The following TENM3 variants were observed in gnomAD, a reference collection of about 807,000 sequenced individuals.
TENM3 encodes teneurin-3.
In TENM3, 63 loss-of-function variants were observed where a neutral mutation model predicts 255.1. That is an observed-to-expected ratio of 0.25 (90% CI 0.20 to 0.30). The LOEUF is 0.30. Among genes scored for constraint, TENM3 ranks in the 10% least tolerant of loss-of-function variants. The probability of loss-of-function intolerance (pLI) is 1.00; values close to 1 mark genes in which losing one functional copy is unlikely to be tolerated. For synonymous variants in TENM3, 1,306 were observed against 1,322.3 expected (o/e 0.99, Z 0.27); for missense variants, 2,929 against 3,461.1 (o/e 0.85, Z 3.86).
intron 3 of TENM3, among the ~76,000 whole-genome samples, chr4:182,479,708 C>T (rs973420489): frequency 3.8e-4 from 58 of 152,068 alleles, no homozygotes; most frequent in African/African-American, 1.3e-3. Context: ...ATAGGATCTA[C>T]TGATAAATTG....
At chr4:181,708,706 A>C in the TENM3 span, among the ~76,000 whole-genome samples, 1 of 152,138 alleles carries the variant, frequency 6.6e-6, no homozygotes, top group African/African-American at 2.4e-5. Context: ...GTACTGATAC[A>C]TGAAACCTGT....
At position 182,736,859 on chromosome 4, in the gene TENM3, T is replaced by C. The variant is rs1761211892; in HGVS notation, c.3019T>C (p.Leu1007=). Reference sequence around the variant, plus strand: ...AGGAACAGATTTGAAACTCTCCTACTTGAGTTCCAGAGCTGCAGGGTATAA... The same window carrying C: ...AGGAACAGATTTGAAACTCTCCTACCTGAGTTCCAGAGCTGCAGGGTATAA... ...IPGTDLKLSY[L]SSRAAGYKSV... is the part of the protein sequence containing the mutation. The change falls in exon 17 of 28, where the codon TTG becomes CTG. Residue 1007 remains leucine, a synonymous_variant. Transcript: ENST00000511685. The C allele has an allele frequency of 2.4e-5, 39 of 1,613,696 alleles. No homozygotes were observed. The highest frequency in any genetic ancestry group is 3.2e-5 in the Non-Finnish European group (38 of 1,179,706).
chr4:182,464,067 A>G (rs1293120974), intron 3 of TENM3, among the ~76,000 whole-genome samples: 2 of 152,230 alleles, frequency 1.3e-5, no homozygotes, highest in African/African-American at 4.8e-5. Context: ...CTACACTTTT[A>G]TAAACATATA....
At chr4:181,833,528 A>G in the TENM3 span, among the ~76,000 whole-genome samples, 3 of 152,156 alleles carry the variant, frequency 2.0e-5, no homozygotes, top group East Asian at 5.8e-4. Flanking sequence ...GATAAAATCC[A>G]AACTCATTTC....
chr4:182,098,420 C>T, the TENM3 span, among the ~76,000 whole-genome samples: 3 of 152,042 alleles, frequency 2.0e-5, no homozygotes, highest in African/African-American at 4.8e-5. Context: ...ATAGTCAAGA[C>T]GTGGAATCAA....
intron 3 of TENM3, among the ~76,000 whole-genome samples, chr4:182,461,797 G>A (rs1732020739): frequency 6.6e-6 from 1 of 152,142 alleles, no homozygotes; most frequent in Admixed American, 6.5e-5. Context: ...TGCTCAGCGG[G>A]TACTTGTTGA....
At chr4:182,338,275 A>G (rs968612301) in intron 2 of TENM3, among the ~76,000 whole-genome samples, 61 of 152,218 alleles carry the variant, frequency 4.0e-4, no homozygotes, top group Admixed American at 1.4e-3. Context: ...AATCTTTCAA[A>G]AACAACCTCC....
intron 3 of TENM3, among the ~76,000 whole-genome samples, chr4:182,462,929 A>T (rs946925196): frequency 6.6e-6 from 1 of 151,972 alleles, no homozygotes; most frequent in African/African-American, 2.4e-5. Flanking sequence ...TGTAATACTG[A>T]TCACTCTGTA....
the TENM3 span, among the ~76,000 whole-genome samples, chr4:181,837,100 C>T: frequency 1.3e-5 from 2 of 152,064 alleles, no homozygotes; most frequent in African/African-American, 4.8e-5. Context: ...AATGTACTTA[C>T]ATTTCTTATT....
the TENM3 span, among the ~76,000 whole-genome samples, chr4:182,005,774 AG>A: frequency 2.0e-5 from 3 of 152,238 alleles, no homozygotes; most frequent in African/African-American, 7.2e-5. Flanking sequence ...CTCCTTGAAG[AG>A]GTCCCTCACA....
chr4:182,034,491 T>G, the TENM3 span, among the ~76,000 whole-genome samples: 1 of 152,228 alleles, frequency 6.6e-6, no homozygotes, highest in African/African-American at 2.4e-5. Flanking sequence ...CACTGGTCTG[T>G]GTACTTCAGT....
chr4:182,431,780 G>A (rs58334802), intron 3 of TENM3, among the ~76,000 whole-genome samples: 8,375 of 152,076 alleles, frequency 0.055, 308 homozygotes, highest in East Asian at 0.17. Context: ...AATACAATCA[G>A]AAATGAAGAG....
chr4:181,881,240 A>C, the TENM3 span, among the ~76,000 whole-genome samples: 2 of 152,250 alleles, frequency 1.3e-5, no homozygotes, highest in South Asian at 4.1e-4. Context: ...AGATTTAAAA[A>C]TCATTTAGAG....
chr4:181,874,894 T>G, the TENM3 span, among the ~76,000 whole-genome samples: 1 of 152,248 alleles, frequency 6.6e-6, no homozygotes, highest in African/African-American at 2.4e-5. Context: ...TAGAGTTCCC[T>G]CTATGTGCTT....
Position 182,714,649 on chromosome 4 carries a change from A to G in TENM3, c.2368+416A>G, listed in dbSNP as rs183699029. 7.4e-4 allele frequency among the ~76,000 whole-genome samples: 112 copies of G among 152,306 alleles called. 1 individual carries two copies. In the East Asian group the frequency reaches 0.021, roughly 28 times the overall value. Reference sequence around the variant, plus strand: ...TGAAAGGCATGGATGGAAAAAAACAAAACAGTAACAGAGAACAGTCCCCTG... The same window carrying G: ...TGAAAGGCATGGATGGAAAAAAACAGAACAGTAACAGAGAACAGTCCCCTG... On this transcript the variant is annotated intron_variant, in intron 13 of 27. Coordinates refer to ENST00000511685, the MANE Select transcript of TENM3 (RefSeq NM_001080477.4).
At chr4:181,464,819 C>G in the TENM3 span, among the ~76,000 whole-genome samples, 1 of 152,062 alleles carries the variant, frequency 6.6e-6, no homozygotes, top group Admixed American at 6.6e-5. Flanking sequence ...GGCATGGTGG[C>G]TCATGCCTGT....
At chr4:182,681,315 T>C (rs1443061631) in intron 10 of TENM3, among the ~76,000 whole-genome samples, 1 of 152,238 alleles carries the variant, frequency 6.6e-6, no homozygotes, top group African/African-American at 2.4e-5. Flanking sequence ...GAATTAAATT[T>C]TCAGGCCATT....
chr4:182,735,363 C>A (rs928992897), intron 16 of TENM3, among the ~76,000 whole-genome samples: 6 of 152,154 alleles, frequency 3.9e-5, no homozygotes, highest in African/African-American at 1.2e-4. Flanking sequence ...TTCGTCCATT[C>A]ATTCATGCTG....
the TENM3 span, among the ~76,000 whole-genome samples, chr4:181,527,939 C>T: frequency 6.6e-6 from 1 of 151,854 alleles, no homozygotes; most frequent in Non-Finnish European, 1.5e-5. Flanking sequence ...ATATTAATGG[C>T]TGAACAATAC....
Sources: allele counts gnomAD v4.1 joint callset (sites outside exome capture counted in the v4.1 genomes callset), GRCh38; gene constraint gnomAD v4.1.1; transcripts MANE v1.5; gene names NCBI Gene and HGNC (gene_info 2026-07-23, HGNC 2026-07-21).